Variants in GRIK3 observed in about 807,000 individuals in gnomAD.
The protein encoded by GRIK3 is glutamate ionotropic receptor kainate type subunit 3.
In GRIK3, 29 loss-of-function variants were observed where a neutral mutation model predicts 102.5. The ratio of observed to expected loss-of-function variants is 0.28; its 90% CI spans 0.21 to 0.39. GRIK3 has a LOEUF of 0.39. GRIK3 is among the 10% of genes least tolerant of loss of function. GRIK3 has a pLI of 1.00. For missense variants in GRIK3, 908 were observed against 1,252.4 expected (o/e 0.73, Z 4.15); for synonymous variants, 511 against 504.9 (o/e 1.01, Z -0.16).
intron 1 of GRIK3, among the ~76,000 whole-genome samples, chr1:37,026,977 T>A (rs1364342394): frequency 6.6e-6 from 1 of 152,006 alleles, no homozygotes; most frequent in Non-Finnish European, 1.5e-5. Flanking sequence ...TTCTTGGAAG[T>A]GATGGGGGAG....
chr1:36,933,090 T>C (rs1365235999), intron 1 of GRIK3, among the ~76,000 whole-genome samples: 1 of 152,328 alleles, frequency 6.6e-6, no homozygotes, highest in African/African-American at 2.4e-5. Flanking sequence ...CTATCTTTTT[T>C]TTGTGAATAG....
chr1:36,875,075 C>A (rs1640898664), intron 3 of GRIK3, among the ~76,000 whole-genome samples: 1 of 152,206 alleles, frequency 6.6e-6, no homozygotes, highest in Non-Finnish European at 1.5e-5. Flanking sequence ...CCTATTTAAC[C>A]ATCTCCCAAT....
chr1:36,973,871 AGTACCCTGCCCTTGTCTCACC>A, intron 1 of GRIK3, among the ~76,000 whole-genome samples: 1 of 152,184 alleles, frequency 6.6e-6, no homozygotes, highest in African/African-American at 2.4e-5. Flanking sequence ...TGTCATGGAC[AGTACCCTGCCCTTGTCTCACC>A]TGAATTTTGG....
At chr1:36,939,601 G>A (rs1219708832) in intron 1 of GRIK3, among the ~76,000 whole-genome samples, 1 of 152,210 alleles carries the variant, frequency 6.6e-6, no homozygotes, top group African/African-American at 2.4e-5. Context: ...TGTATTACAA[G>A]GATAATGCTT....
intron 1 of GRIK3, among the ~76,000 whole-genome samples, chr1:36,930,463 A>T (rs1037683303): frequency 6.6e-6 from 1 of 152,236 alleles, no homozygotes; most frequent in Non-Finnish European, 1.5e-5. Context: ...CACCCAGCCC[A>T]AACTCTAATT....
intron 1 of GRIK3, among the ~76,000 whole-genome samples, chr1:36,937,569 C>T (rs944656785): frequency 5.3e-5 from 8 of 152,156 alleles, no homozygotes; most frequent in African/African-American, 1.7e-4. Flanking sequence ...GATAAAGTCC[C>T]GTGCCTCACA....
chr1:37,025,052 A>C (rs1038722515), intron 1 of GRIK3, among the ~76,000 whole-genome samples: 3 of 152,196 alleles, frequency 2.0e-5, no homozygotes, highest in African/African-American at 7.2e-5. Flanking sequence ...CAGACAGAGG[A>C]ATTTCAAACC....
intron 1 of GRIK3, among the ~76,000 whole-genome samples, chr1:36,996,106 C>T (rs1254996581): frequency 6.6e-6 from 1 of 152,228 alleles, no homozygotes; most frequent in East Asian, 1.9e-4. Context: ...CCACGTCAGG[C>T]CAAGGTCAGA....
intron 1 of GRIK3, among the ~76,000 whole-genome samples, chr1:36,956,097 G>C (rs1641902791): frequency 6.6e-6 from 1 of 152,222 alleles, no homozygotes; most frequent in South Asian, 2.1e-4. Context: ...GCCGTGGGGT[G>C]CTCGGCCTGG....
intron 1 of GRIK3, among the ~76,000 whole-genome samples, chr1:37,033,058 G>C (rs987373878): frequency 6.6e-6 from 1 of 152,190 alleles, no homozygotes; most frequent in Non-Finnish European, 1.5e-5. Flanking sequence ...TGCGGTGATG[G>C]AGGCTCCGTC....
intron 1 of GRIK3, among the ~76,000 whole-genome samples, chr1:36,948,527 C>A (rs960943709): frequency 5.3e-5 from 8 of 152,178 alleles, no homozygotes; most frequent in Non-Finnish European, 1.0e-4. Flanking sequence ...AAGAAAGAGG[C>A]AACCCCTGCC....
intron 5 of GRIK3, among the ~76,000 whole-genome samples, chr1:36,864,497 G>A (rs1640761230): frequency 6.7e-6 from 1 of 150,110 alleles, no homozygotes; most frequent in Admixed American, 6.6e-5. Flanking sequence ...GGGCCTCCAT[G>A]ACTCGATTTA....
intron 13 of GRIK3, among the ~76,000 whole-genome samples, chr1:36,814,069 A>C (rs2124185967): frequency 6.6e-6 from 1 of 152,268 alleles, no homozygotes; most frequent in East Asian, 1.9e-4. Context: ...CAGCATTTGT[A>C]TGTCTCTTCT....
At chr1:36,919,094 G>T (rs1413722345) in intron 1 of GRIK3, among the ~76,000 whole-genome samples, 1 of 152,198 alleles carries the variant, frequency 6.6e-6, no homozygotes, top group Admixed American at 6.5e-5. Flanking sequence ...CCCAAGGGAG[G>T]TTCAATGCAG....
chr1:36,857,311 C>T lies in GRIK3; in HGVS notation c.1104+1797G>A, dbSNP rs555109870. 7.2e-5 allele frequency among the ~76,000 whole-genome samples: 11 copies of T among 152,210 alleles called. No individual in the cohort carries two copies. In the South Asian group the frequency reaches 2.1e-3, roughly 29 times the overall value. On this transcript the variant is annotated intron_variant, in intron 7 of 15. Transcript: ENST00000373091. ...TGCTGAGGAAGGGGGTACAGGGGGC[C>T]AGAAGTCAGGTCTCAGAGTTCCCTG...
intron 1 of GRIK3, among the ~76,000 whole-genome samples, chr1:37,030,833 A>G (rs570125039): frequency 6.6e-6 from 1 of 152,152 alleles, no homozygotes; most frequent in African/African-American, 2.4e-5. Flanking sequence ...ACCACAGAAC[A>G]TACCAACCAT....
chr1:36,939,871 C>CT (rs1553121517), intron 1 of GRIK3, among the ~76,000 whole-genome samples: 1 of 94,738 alleles, frequency 1.1e-5, no homozygotes, highest in East Asian at 2.0e-4. Context: ...ACTACCACTA[C>CT]CGTTGTCCCT....
At chr1:36,881,284 C>G (rs527840879) in intron 2 of GRIK3, among the ~76,000 whole-genome samples, 6 of 152,276 alleles carry the variant, frequency 3.9e-5, no homozygotes, top group Admixed American at 1.3e-4. Flanking sequence ...GCTGATGGTG[C>G]TTCAACTTCA....
intron 1 of GRIK3, among the ~76,000 whole-genome samples, chr1:36,906,048 C>T (rs1338280866): frequency 1.3e-5 from 2 of 152,270 alleles, no homozygotes; most frequent in South Asian, 4.1e-4. Context: ...TCAGTCTTAT[C>T]CTATATAAAA....
Sources: allele counts gnomAD v4.1 joint callset (sites outside exome capture counted in the v4.1 genomes callset), GRCh38; gene constraint gnomAD v4.1.1; transcripts MANE v1.5; gene names NCBI Gene and HGNC (gene_info 2026-07-23, HGNC 2026-07-21).